The following CTPS2 variants were observed in gnomAD, a reference collection of about 807,000 sequenced individuals.
CTPS2 encodes CTP synthase II.
In CTPS2, 19 loss-of-function variants were observed where a neutral mutation model predicts 46.8. The observed-to-expected ratio is 0.41, with a 90% CI of 0.28 to 0.60. The LOEUF (loss-of-function observed/expected upper bound fraction) is 0.60. Among genes scored for constraint, CTPS2 ranks in the 20% least tolerant of loss-of-function variants. The pLI is 0.35. For missense variants in CTPS2, 286 were observed against 447.6 expected, an observed-to-expected ratio of 0.64 and a Z score of 3.26; for synonymous variants, 151 against 165.2, an observed-to-expected ratio of 0.91 and a Z score of 0.66.
chrX:16,600,829 T>C (rs1202488954), intron 17 of CTPS2, among the ~76,000 whole-genome samples: 4 of 112,463 alleles, frequency 3.6e-5, no homozygotes, highest in Non-Finnish European at 7.5e-5. Flanking sequence ...AAATAGAATC[T>C]TTTGTTAATT....
chrX:16,614,926 C>T (rs191756652), intron 16 of CTPS2, among the ~76,000 whole-genome samples: 57 of 112,489 alleles, frequency 5.1e-4, no homozygotes, highest in African/African-American at 1.5e-3. Context: ...CCTGTAATCC[C>T]AGCACTTTGG....
intron 13 of CTPS2, among the ~76,000 whole-genome samples, chrX:16,639,817 GAAAGA>G (rs1931979038): frequency 9.5e-6 from 1 of 105,084 alleles, no homozygotes; most frequent in South Asian, 4.2e-4. Flanking sequence ...AAGAAAGAAA[GAAAGA>G]AAGAAAGAAG....
At chrX:16,632,417 TTTC>T (rs1329259529) in intron 14 of CTPS2, among the ~76,000 whole-genome samples, 3 of 109,557 alleles carry the variant, frequency 2.7e-5, no homozygotes, top group Non-Finnish European at 5.8e-5. Flanking sequence ...TTACCTTTTT[TTTC>T]TTTCTTTCTT....
chrX:16,688,593 T>C (rs907382269), intron 8 of CTPS2, among the ~76,000 whole-genome samples: 1 of 110,114 alleles, frequency 9.1e-6, no homozygotes, highest in Non-Finnish European at 1.9e-5. Flanking sequence ...AACTTCAAAA[T>C]AGAGAAACTT....
chrX:16,639,831 A>G (rs1417931361), intron 13 of CTPS2, among the ~76,000 whole-genome samples: 1 of 108,738 alleles, frequency 9.2e-6, no homozygotes, highest in African/African-American at 3.4e-5. Flanking sequence ...GAAAGAAAGA[A>G]GAAAAGAAAA....
At chrX:16,591,070 A>G (rs1602101781) in intron 17 of CTPS2, 2 of 300,258 alleles carry the variant, frequency 6.7e-6, no homozygotes, top group African/African-American at 5.5e-5. Context: ...GAAACTGATC[A>G]CTTATTTTCA....
At chrX:16,673,041 T>C (rs6632865) in intron 10 of CTPS2, among the ~76,000 whole-genome samples, 26,221 of 104,009 alleles carry the variant, frequency 0.25, 2,599 homozygotes, top group Middle Eastern at 0.3. Flanking sequence ...CGCCCGCCAC[T>C]ACGCCCGGCT....
chrX:16,593,674 C>G (rs1417321505), intron 17 of CTPS2, among the ~76,000 whole-genome samples: 1 of 88,089 alleles, frequency 1.1e-5, no homozygotes, highest in African/African-American at 4.4e-5. Context: ...TGAACAAAAA[C>G]AGCGTAGGTG....
intron 8 of CTPS2, among the ~76,000 whole-genome samples, chrX:16,684,544 C>CACATATCT (rs1319632470): frequency 9.6e-6 from 1 of 103,631 alleles, no homozygotes; most frequent in Non-Finnish European, 2.0e-5. Flanking sequence ...ACAAAAAGAA[C>CACATATCT]ACATATCTGT....
intron 13 of CTPS2, among the ~76,000 whole-genome samples, chrX:16,666,530 T>C (rs1423438548): frequency 1.8e-5 from 2 of 111,000 alleles, no homozygotes; most frequent in Non-Finnish European, 3.8e-5. Context: ...ACCTTGTCTC[T>C]ACAAAAAAAA....
intron 8 of CTPS2, among the ~76,000 whole-genome samples, chrX:16,685,807 C>T (rs1442683060): frequency 6.1e-5 from 6 of 97,631 alleles, no homozygotes; most frequent in African/African-American, 2.3e-4. Context: ...GCAGAGCTTG[C>T]AGTGAGCTGA....
intron 11 of CTPS2, among the ~76,000 whole-genome samples, chrX:16,669,330 A>C (rs771936756): frequency 9.2e-6 from 1 of 108,818 alleles, no homozygotes; most frequent in Non-Finnish European, 1.9e-5. Flanking sequence ...TAGATACTTA[A>C]GATGTACACA....
intron 1 of CTPS2, among the ~76,000 whole-genome samples, chrX:16,710,525 A>T (rs1025529438): frequency 5.3e-5 from 6 of 112,591 alleles, no homozygotes; most frequent in African/African-American, 1.9e-4. Flanking sequence ...TTTCAAAAAC[A>T]CAAGATACCT....
intron 13 of CTPS2, among the ~76,000 whole-genome samples, chrX:16,664,082 C>T (rs974893224): frequency 1.8e-5 from 2 of 111,816 alleles, no homozygotes; most frequent in Admixed American, 1.9e-4. Context: ...GTGATCTGCC[C>T]GCCTTGGCCT....
At chrX:16,698,624 C>T (rs1468027370) in intron 3 of CTPS2, among the ~76,000 whole-genome samples, 2 of 110,758 alleles carry the variant, frequency 1.8e-5, no homozygotes, top group Non-Finnish European at 3.8e-5. Flanking sequence ...GATCTCGGCT[C>T]ACTGCAATCT....
intron 10 of CTPS2, among the ~76,000 whole-genome samples, chrX:16,673,137 C>T (rs923788086): frequency 8.2e-5 from 9 of 109,574 alleles, no homozygotes; most frequent in South Asian, 7.9e-4. Context: ...CCGCCCGCCT[C>T]GGCCTCCCAA....
intron 1 of CTPS2, among the ~76,000 whole-genome samples, chrX:16,705,168 A>C (rs73630565): frequency 4.6e-4 from 51 of 110,391 alleles, no homozygotes; most frequent in African/African-American, 1.6e-3. Flanking sequence ...TGCCAGGTGC[A>C]GTGGCTCACT....
At chrX:16,641,640 G>A (rs752713930) in intron 13 of CTPS2, among the ~76,000 whole-genome samples, 1 of 112,258 alleles carries the variant, frequency 8.9e-6, no homozygotes, top group Non-Finnish European at 1.9e-5. Flanking sequence ...GGAGGCTGAG[G>A]TGGAAAGATT....
At chrX:16,663,179 G>C (rs112673419) in intron 13 of CTPS2, among the ~76,000 whole-genome samples, 2 of 111,555 alleles carry the variant, frequency 1.8e-5, no homozygotes, top group Admixed American at 1.9e-4. Context: ...ACAGGGTCTC[G>C]CTCTGTCACC....
Sources: allele counts gnomAD v4.1 joint callset (sites outside exome capture counted in the v4.1 genomes callset), GRCh38; gene constraint gnomAD v4.1.1; transcripts MANE v1.5; gene names NCBI Gene and HGNC (gene_info 2026-07-23, HGNC 2026-07-21).